IRAK1BP1: variants seen among roughly 807,000 people sequenced by gnomAD.
The protein encoded by IRAK1BP1 is interleukin 1 receptor associated kinase 1 binding protein 1.
In IRAK1BP1, 24 loss-of-function variants were observed where a neutral mutation model predicts 28.0. The ratio of observed to expected loss-of-function variants is 0.86; its 90% confidence interval spans 0.62 to 1.20. The LOEUF (loss-of-function observed/expected upper bound fraction) is 1.20. Ranked by LOEUF, IRAK1BP1 falls within the 50% of genes most tolerant of loss-of-function variation. IRAK1BP1 has a pLI of 0.00. For missense variants in IRAK1BP1, 336 were observed against 316.7 expected, an observed-to-expected ratio of 1.06 and a Z score of -0.46; for synonymous variants, 131 against 116.3, an observed-to-expected ratio of 1.13 and a Z score of -0.81.
the IRAK1BP1 span, among the ~76,000 whole-genome samples, chr6:78,972,748 C>G: frequency 6.6e-6 from 1 of 151,634 alleles, no homozygotes; most frequent in Non-Finnish European, 1.5e-5. Flanking sequence ...CCTCAGGAGC[C>G]GATGCGATGA....
downstream of IRAK1BP1, chr6:78,946,758 C>A (rs141705771): frequency 9.2e-5 from 147 of 1,589,972 alleles, 1 homozygote; most frequent in Middle Eastern, 1.7e-4. Context: ...TTCTTTTCTT[C>A]CTCCTTTTGG....
At chr6:78,961,553 C>A in the IRAK1BP1 span, 1 of 771,894 alleles carries the variant, frequency 1.3e-6, no homozygotes, top group Admixed American at 3.1e-5. Context: ...GAATAAGATT[C>A]TACATTTTAA....
the IRAK1BP1 span, chr6:78,969,795 A>C: frequency 4.2e-6 from 4 of 947,158 alleles, no homozygotes; most frequent in Non-Finnish European, 3.2e-6. Flanking sequence ...AGAAAAAAAA[A>C]CCACATCAAA....
chr6:78,977,699 T>A, the IRAK1BP1 span, among the ~76,000 whole-genome samples: 1 of 152,234 alleles, frequency 6.6e-6, no homozygotes, highest in African/African-American at 2.4e-5. Flanking sequence ...TAAATATAAT[T>A]TCACATCTTA....
At chr6:78,960,291 A>T in the IRAK1BP1 span, among the ~76,000 whole-genome samples, 2 of 152,276 alleles carry the variant, frequency 1.3e-5, no homozygotes, top group Middle Eastern at 3.4e-3. Flanking sequence ...TCAGCAGCTT[A>T]TATTTCTAGT....
chr6:78,925,771 A>G (rs927361490), intron 4 of IRAK1BP1, among the ~76,000 whole-genome samples: 5 of 152,188 alleles, frequency 3.3e-5, no homozygotes, highest in Non-Finnish European at 7.4e-5. Context: ...TCATAATAGG[A>G]AAAAGATGGA....
At chr6:78,918,578 T>TAAAAAAAAAAAAAAAAAA (rs58669467) in intron 4 of IRAK1BP1, among the ~76,000 whole-genome samples, 20 of 66,750 alleles carry the variant, frequency 3.0e-4, no homozygotes, top group Non-Finnish European at 3.9e-4. Context: ...CCAAAAACAG[T>TAAAAAAAAAAAAAAAAAA]AAAAAAAAAA....
intron 2 of IRAK1BP1, among the ~76,000 whole-genome samples, chr6:78,886,469 G>C (rs1771436647): frequency 6.6e-6 from 1 of 152,102 alleles, no homozygotes; most frequent in Admixed American, 6.6e-5. Flanking sequence ...TTTCGTAGTA[G>C]TAGGAACTGA....
At chr6:78,946,793 G>A (rs746486726), downstream of IRAK1BP1, 42 of 1,590,622 alleles carry the variant, frequency 2.6e-5, no homozygotes, top group Non-Finnish European at 3.3e-5. Flanking sequence ...TTATGAAAAC[G>A]AAGAGCAGAT....
intron 1 of IRAK1BP1, among the ~76,000 whole-genome samples, chr6:78,874,049 A>C (rs985739294): frequency 6.6e-6 from 1 of 152,174 alleles, no homozygotes; most frequent in Non-Finnish European, 1.5e-5. Context: ...CTTTACCTTC[A>C]TCTTCCTGCA....
intron 2 of IRAK1BP1, among the ~76,000 whole-genome samples, chr6:78,886,996 G>A (rs1003521646): frequency 6.6e-6 from 1 of 152,190 alleles, no homozygotes; most frequent in African/African-American, 2.4e-5. Flanking sequence ...CCAGCAGTCA[G>A]TGGAAACCAA....
At chr6:78,966,774 G>GT in the IRAK1BP1 span, among the ~76,000 whole-genome samples, 1 of 152,268 alleles carries the variant, frequency 6.6e-6, no homozygotes, top group East Asian at 1.9e-4. Context: ...TAAGAAAACT[G>GT]TAAGTCACTT....
At chr6:78,890,245 G>T (rs1771594785) in intron 2 of IRAK1BP1, among the ~76,000 whole-genome samples, 1 of 135,432 alleles carries the variant, frequency 7.4e-6, no homozygotes, top group Non-Finnish European at 1.5e-5. Flanking sequence ...ACAGGGAGGG[G>T]AACATCACAT....
chr6:78,938,029 G>C (rs1269954670), intron 4 of IRAK1BP1: 1 of 151,636 alleles, frequency 6.6e-6, no homozygotes, highest in African/African-American at 2.4e-5. Context: ...TACATACATA[G>C]TGTTACTGCC....
intron 2 of IRAK1BP1, among the ~76,000 whole-genome samples, chr6:78,892,662 C>A (rs1344602779): frequency 6.6e-6 from 1 of 151,982 alleles, no homozygotes; most frequent in Non-Finnish European, 1.5e-5. Context: ...AAGACATAGT[C>A]ATTAAAAGTT....
chr6:78,905,238 A>T (rs1320403428), downstream of IRAK1BP1, among the ~76,000 whole-genome samples: 1 of 151,128 alleles, frequency 6.6e-6, no homozygotes, highest in African/African-American at 2.5e-5. Flanking sequence ...TAGACACTTC[A>T]TTGACCAATA....
chr6:78,963,790 G>A, the IRAK1BP1 span, among the ~76,000 whole-genome samples: 1 of 152,256 alleles, frequency 6.6e-6, no homozygotes, highest in Admixed American at 6.5e-5. Flanking sequence ...ATCACTAGAG[G>A]GTTGCGGTAA....
intron 1 of IRAK1BP1, among the ~76,000 whole-genome samples, chr6:78,882,500 ATG>A (rs1477081304): frequency 2.6e-5 from 4 of 152,190 alleles, no homozygotes; most frequent in African/African-American, 9.6e-5. Context: ...TGTGGATACC[ATG>A]TACTGCCTGA....
intron 4 of IRAK1BP1, among the ~76,000 whole-genome samples, chr6:78,910,794 C>T (rs776744998): frequency 1.3e-5 from 2 of 152,258 alleles, no homozygotes; most frequent in Non-Finnish European, 2.9e-5. Context: ...CCCTCCCGAC[C>T]TCCGCCCTGT....
Sources: gnomAD v4.1 joint callset for allele counts (sites outside exome capture counted in the v4.1 genomes callset) on GRCh38, gnomAD v4.1.1 for gene constraint, MANE v1.5 for transcripts, NCBI Gene and HGNC (gene_info 2026-07-23, HGNC 2026-07-21) for gene names.